KIZ: variants seen among roughly 807,000 people sequenced by gnomAD.
KIZ encodes kizuna centrosomal protein, also known as centrosomal protein kizuna.
Under a neutral mutation model 79.6 loss-of-function variants are expected in KIZ, and 68 were observed. The ratio of observed to expected loss-of-function variants is 0.85; its 90% CI spans 0.70 to 1.05. The LOEUF (loss-of-function observed/expected upper bound fraction) is 1.05. Ranked by LOEUF, KIZ falls within the 50% of genes least tolerant of loss-of-function variation. KIZ has a pLI of 0.00. For missense variants in KIZ, 797 were observed against 800.4 expected (o/e 1.00, Z 0.05); for synonymous variants, 280 against 281.8 (o/e 0.99, Z 0.06).
intron 6 of KIZ, among the ~76,000 whole-genome samples, chr20:21,201,724 GTTTT>G (rs1467216159): frequency 1.3e-5 from 2 of 152,036 alleles, no homozygotes; most frequent in South Asian, 4.1e-4. Flanking sequence ...ATTAAACTTT[GTTTT>G]TTTATGTGTC....
At chr20:21,154,382 C>T (rs2033271078) in intron 4 of KIZ, among the ~76,000 whole-genome samples, 1 of 152,082 alleles carries the variant, frequency 6.6e-6, no homozygotes, top group South Asian at 2.1e-4. Context: ...CCTCTTCTTT[C>T]CCCCAGTAAA....
intron 3 of KIZ, among the ~76,000 whole-genome samples, chr20:21,142,497 G>A (rs1329065751): frequency 2.0e-5 from 3 of 152,060 alleles, no homozygotes; most frequent in African/African-American, 7.3e-5. Flanking sequence ...ATGTGGTATT[G>A]ATGATACTCT....
chr20:21,180,447 A>C (rs1317315016), intron 6 of KIZ, among the ~76,000 whole-genome samples: 3 of 151,988 alleles, frequency 2.0e-5, no homozygotes, highest in Non-Finnish European at 4.4e-5. Context: ...GACGGGTGCA[A>C]GGGGAGGAAA....
At chr20:21,236,233 C>G (rs1282686474) in intron 11 of KIZ, among the ~76,000 whole-genome samples, 2 of 152,224 alleles carry the variant, frequency 1.3e-5, no homozygotes, top group Non-Finnish European at 2.9e-5. Context: ...TCAGGGGGCG[C>G]TCAGACTTTG....
intron 7 of KIZ, among the ~76,000 whole-genome samples, chr20:21,212,646 A>G (rs1482396931): frequency 2.6e-5 from 4 of 152,338 alleles, no homozygotes; most frequent in Non-Finnish European, 5.9e-5. Flanking sequence ...GTCTGTGTAC[A>G]AAGTAAATTG....
intron 9 of KIZ, among the ~76,000 whole-genome samples, chr20:21,228,173 G>A (rs1199628039): frequency 6.6e-6 from 1 of 152,124 alleles, no homozygotes; most frequent in Non-Finnish European, 1.5e-5. Context: ...TTGACAGTGG[G>A]ACTCCTTTTG....
At chr20:21,131,172 C>T (rs947333175) in intron 1 of KIZ, among the ~76,000 whole-genome samples, 1 of 152,166 alleles carries the variant, frequency 6.6e-6, no homozygotes, top group Admixed American at 6.5e-5. Context: ...AGTTTTATCC[C>T]CCAGCCCCCT....
At position 21,229,100 on chromosome 20, in the gene KIZ, G is replaced by T; in HGVS notation, c.1768G>T (p.Val590Leu). ...CAGGTTTCAAAAGACAGATGCTTCT[G>T]TGTCACACTTGTCAGGTAAGTAAGA... ...ENRFQKTDAS[V>L]SHLSGLNIGS... Residue 590 changes from valine (V) to leucine (L), a missense_variant, in exon 10 of 13, where the codon GTG (valine) becomes TTG (leucine). Val to Leu is a conservative substitution (Grantham distance 32). Transcript: ENST00000619189. 1 of 1,605,684 alleles carries T rather than the reference G, an allele frequency of 6.2e-7. No individual in the cohort carries two copies. Among genetic ancestry groups the T allele is most frequent in the East Asian group, 2.2e-5 (1 of 44,824 alleles).
intron 6 of KIZ, chr20:21,166,685 C>G: frequency 1.5e-6 from 1 of 647,162 alleles, no homozygotes; most frequent in Non-Finnish European, 2.7e-6. Flanking sequence ...CTTGTACTCC[C>G]TACCTCAGGT....
chr20:21,209,233 C>T (rs748017960), intron 7 of KIZ, among the ~76,000 whole-genome samples: 36 of 152,178 alleles, frequency 2.4e-4, no homozygotes, highest in Non-Finnish European at 4.4e-4. Context: ...GTCTGCAGTG[C>T]CCACATAACC....
chr20:21,199,266 A>G (rs534557657), intron 6 of KIZ, among the ~76,000 whole-genome samples: 2 of 152,340 alleles, frequency 1.3e-5, no homozygotes, highest in African/African-American at 2.4e-5. Flanking sequence ...TTACATGACT[A>G]TTGATCTACA....
In KIZ at chr20:21,163,177, TTTTTTC is replaced by T. The variant is rs1600421788; in HGVS notation, c.1352+20_1352+25del. On this transcript the variant is annotated intron_variant, in intron 6 of 12. Transcript: ENST00000619189. ...ACAAGAGAGTAAGCCATTCAATTTT[TTTTTTC>T]TACTGTTCTGTTTTTAATTGTAGAC... 1.3e-6 allele frequency: 2 copies of T among 1,550,804 alleles called. No individual in the cohort carries two copies. Among genetic ancestry groups the T allele is most frequent in the Non-Finnish European group, 1.8e-6 (2 of 1,139,302 alleles).
rs554276789 is a variant in KIZ at position 21,126,264 on chromosome 20, T to G, written c.89+60T>G. 2.0e-3 allele frequency: 2,266 copies of G among 1,158,790 alleles called. 4 individuals are homozygous for G. Among genetic ancestry groups the G allele is most frequent in the Non-Finnish European group, 2.4e-3 (2,064 of 875,534 alleles). 71.8% of individuals were successfully genotyped at this position (1,158,790 alleles called of 1,614,324 possible). On this transcript the variant is annotated intron_variant, in intron 1 of 12. Coordinates refer to ENST00000619189, the MANE Select transcript of KIZ (RefSeq NM_018474.6). ...CGCGCCGGGGGTCTTCCGCGTGCCC[T>G]GCCCCATTTTCCTTCCCGCTCCCCC...
intron 7 of KIZ, among the ~76,000 whole-genome samples, chr20:21,208,553 A>C (rs565802585): frequency 2.0e-5 from 3 of 152,170 alleles, no homozygotes; most frequent in Non-Finnish European, 4.4e-5. Flanking sequence ...AATACAAAAA[A>C]TTAGCCGGGT....
At chr20:21,226,880 GATGAA>G (rs1372321826) in intron 9 of KIZ, among the ~76,000 whole-genome samples, 6 of 152,188 alleles carry the variant, frequency 3.9e-5, no homozygotes, top group Non-Finnish European at 7.3e-5. Flanking sequence ...GAGGCTTAAG[GATGAA>G]ACACCAGTGA....
intron 6 of KIZ, chr20:21,198,288 T>C (rs2035440529): frequency 1.3e-5 from 2 of 152,276 alleles, no homozygotes; most frequent in African/African-American, 4.8e-5. Flanking sequence ...GGTCTCGATC[T>C]CCTGACCTCG....
At chr20:21,239,662 T>C (rs1298048094) in intron 11 of KIZ, among the ~76,000 whole-genome samples, 3 of 152,234 alleles carry the variant, frequency 2.0e-5, no homozygotes, top group Non-Finnish European at 4.4e-5. Flanking sequence ...CAATTCTAGC[T>C]ACGTTAGCCT....
intron 1 of KIZ, among the ~76,000 whole-genome samples, chr20:21,130,296 A>G (rs899564271): frequency 2.0e-5 from 3 of 152,174 alleles, no homozygotes; most frequent in Non-Finnish European, 2.9e-5. Flanking sequence ...ATGGTGTCTC[A>G]TTACCAGACT....
intron 8 of KIZ, 94 bp from the exon 9 acceptor site, chr20:21,215,489 A>G: frequency 1.5e-6 from 1 of 646,964 alleles, no homozygotes; most frequent in Non-Finnish European, 2.6e-6. Flanking sequence ...TAACCAAAAA[A>G]AAAAAAAGTG....
Sources: gnomAD v4.1 joint callset for allele counts (sites outside exome capture counted in the v4.1 genomes callset) on GRCh38, gnomAD v4.1.1 for gene constraint, MANE v1.5 for transcripts, NCBI Gene and HGNC (gene_info 2026-07-23, HGNC 2026-07-21) for gene names.